Variants in METTL15 observed in about 807,000 individuals in gnomAD.
METTL15 encodes the protein 12S rRNA N(4)-cytidine methyltransferase METTL15.
METTL15 carries 34 observed loss-of-function variants against 38.3 expected under a neutral mutation model. The ratio of observed to expected loss-of-function variants is 0.89; its 90% CI spans 0.68 to 1.18. The LOEUF is 1.18. METTL15 is among the 50% of genes most tolerant of loss of function. METTL15 has a pLI of 0.00. For missense variants in METTL15, 438 were observed against 498.4 expected (o/e 0.88, Z 1.15); for synonymous variants, 162 against 170.9 (o/e 0.95, Z 0.41).
chr11:28,374,628 T>C (rs988160494), intron 5 of METTL15, among the ~76,000 whole-genome samples: 1 of 144,134 alleles, frequency 6.9e-6, no homozygotes, highest in Non-Finnish European at 1.5e-5. Context: ...CAATTTGACT[T>C]CCTCTTTTCC....
intron 3 of METTL15, among the ~76,000 whole-genome samples, chr11:28,129,706 A>T (rs1852672955): frequency 6.6e-6 from 1 of 152,200 alleles, no homozygotes; most frequent in East Asian, 1.9e-4. Context: ...CACTGCGCTC[A>T]GCCCCTTATA....
At chr11:28,486,493 A>G (rs532488964) in intron 6 of METTL15, among the ~76,000 whole-genome samples, 9 of 151,920 alleles carry the variant, frequency 5.9e-5, no homozygotes, top group Admixed American at 6.6e-5. Context: ...GTGGACTTCT[A>G]TGATTTTCTA....
At chr11:28,433,100 G>A (rs1564930323) in intron 6 of METTL15, among the ~76,000 whole-genome samples, 1 of 151,282 alleles carries the variant, frequency 6.6e-6, no homozygotes, top group Non-Finnish European at 1.5e-5. Flanking sequence ...TTCTATTAAT[G>A]CCATAATAAA....
chr11:28,419,627 C>G (rs1207078321), intron 5 of METTL15, among the ~76,000 whole-genome samples: 1 of 152,114 alleles, frequency 6.6e-6, no homozygotes, highest in Non-Finnish European at 1.5e-5. Context: ...CCCCAAGCAT[C>G]AATATCATCC....
intron 6 of METTL15, among the ~76,000 whole-genome samples, chr11:28,484,604 T>C (rs955370746): frequency 5.3e-5 from 8 of 152,162 alleles, no homozygotes; most frequent in Non-Finnish European, 1.2e-4. Context: ...TGGCTCTGCA[T>C]CATAGCTGTA....
chr11:28,407,233 A>G (rs1850681711), intron 5 of METTL15, among the ~76,000 whole-genome samples: 1 of 152,238 alleles, frequency 6.6e-6, no homozygotes, highest in Admixed American at 6.5e-5. Context: ...AATCTAGGCA[A>G]TACCATGCAG....
At chr11:28,499,802 G>A (rs1018408660) in intron 6 of METTL15, among the ~76,000 whole-genome samples, 3 of 152,126 alleles carry the variant, frequency 2.0e-5, no homozygotes, top group Non-Finnish European at 2.9e-5. Context: ...TTCTTGGGTG[G>A]CTCAAACCCA....
rs532072812 is a variant in METTL15, at chr11:28,331,537, A to T, written c.*696A>T. ...TGTCAATTGTATTTATTTTAATAATAGCTCACAATGCCTTTAGTAAGTAAT... is the reference window on the plus strand; with the variant it reads ...TGTCAATTGTATTTATTTTAATAATTGCTCACAATGCCTTTAGTAAGTAAT... On this transcript the variant is annotated 3_prime_UTR_variant, in exon 7 of 7. Coordinates refer to ENST00000407364, the MANE Select transcript of METTL15 (RefSeq NM_001113528.2). 1 of 152,152 alleles carries T rather than the reference A, an allele frequency of 6.6e-6. No homozygotes were observed. Among genetic ancestry groups the T allele is most frequent in the Non-Finnish European group, 1.5e-5 (1 of 67,948 alleles). 9.4% of individuals were successfully genotyped at this position (152,152 alleles called of 1,614,324 possible). A position where few individuals can be genotyped will look rare whatever the true frequency, so the allele number is the denominator to read the frequency against.
At chr11:28,506,578 G>A (rs1311973465) in intron 6 of METTL15, among the ~76,000 whole-genome samples, 1 of 151,846 alleles carries the variant, frequency 6.6e-6, no homozygotes, top group Non-Finnish European at 1.5e-5. Context: ...CCAAACTTTG[G>A]TCTTAGGGTA....
chr11:28,119,527 T>C (rs1220372465), intron 3 of METTL15, among the ~76,000 whole-genome samples: 1 of 152,198 alleles, frequency 6.6e-6, no homozygotes, highest in African/African-American at 2.4e-5. Flanking sequence ...GAAAATAAGC[T>C]GGCACCTAAA....
chr11:28,260,026 A>G (rs1855136396), intron 4 of METTL15, among the ~76,000 whole-genome samples: 1 of 152,208 alleles, frequency 6.6e-6, no homozygotes, highest in Non-Finnish European at 1.5e-5. Context: ...CTGTAAATTT[A>G]GTAAAACTGC....
intron 5 of METTL15, among the ~76,000 whole-genome samples, chr11:28,419,400 G>A (rs1299445899): frequency 6.6e-6 from 1 of 152,116 alleles, no homozygotes; most frequent in Non-Finnish European, 1.5e-5. Context: ...GACCACCAAG[G>A]AGGTATCTCT....
intron 5 of METTL15, among the ~76,000 whole-genome samples, chr11:28,381,133 GC>G (rs1289259969): frequency 6.6e-6 from 1 of 152,086 alleles, no homozygotes; most frequent in East Asian, 1.9e-4. Flanking sequence ...CTCCCAAGTA[GC>G]TGTGACTACA....
At chr11:28,118,234 T>C (rs566786650) in intron 3 of METTL15, among the ~76,000 whole-genome samples, 1 of 152,114 alleles carries the variant, frequency 6.6e-6, no homozygotes, top group African/African-American at 2.4e-5. Flanking sequence ...CTAAAGAAAA[T>C]AGTGATTTTG....
intron 3 of METTL15, among the ~76,000 whole-genome samples, chr11:28,178,148 A>G (rs1851145488): frequency 6.6e-6 from 1 of 151,912 alleles, no homozygotes; most frequent in Non-Finnish European, 1.5e-5. Context: ...AGAAGTTTAC[A>G]GGCAGCGTGG....
At chr11:28,461,691 A>G (rs1851216002) in intron 6 of METTL15, among the ~76,000 whole-genome samples, 1 of 152,108 alleles carries the variant, frequency 6.6e-6, no homozygotes, top group African/African-American at 2.4e-5. Context: ...ACTTCTCATC[A>G]GTTATTAATT....
intron 6 of METTL15, among the ~76,000 whole-genome samples, chr11:28,303,323 T>C (rs1411678522): frequency 6.6e-6 from 1 of 152,196 alleles, no homozygotes; most frequent in Non-Finnish European, 1.5e-5. Context: ...ATCATTAATT[T>C]TCTTTAGTAA....
intron 5 of METTL15, among the ~76,000 whole-genome samples, chr11:28,423,821 A>T (rs529208867): frequency 1.3e-5 from 2 of 151,648 alleles, no homozygotes; most frequent in Non-Finnish European, 2.9e-5. Flanking sequence ...GTAATTAATA[A>T]TTTAACTGTA....
intron 3 of METTL15, among the ~76,000 whole-genome samples, chr11:28,187,742 T>C (rs888249256): frequency 2.0e-5 from 3 of 150,982 alleles, no homozygotes; most frequent in African/African-American, 7.3e-5. Flanking sequence ...TTGGGCAGGC[T>C]GGATGGAGGA....
Sources: allele counts gnomAD v4.1 joint callset (sites outside exome capture counted in the v4.1 genomes callset), GRCh38; gene constraint gnomAD v4.1.1; transcripts MANE v1.5; gene names NCBI Gene and HGNC (gene_info 2026-07-23, HGNC 2026-07-21).